Variants in UHRF1 observed in about 807,000 individuals in gnomAD.
UHRF1 encodes ubiquitin like with PHD and ring finger domains 1, also known as E3 ubiquitin-protein ligase UHRF1.
In UHRF1, 9 loss-of-function variants were observed where a neutral mutation model predicts 96.5. That is an observed-to-expected ratio of 0.09 (90% CI 0.06 to 0.16). The LOEUF is 0.16. Among genes scored for constraint, UHRF1 ranks in the 10% least tolerant of loss-of-function variants. The pLI, the probability that UHRF1 is intolerant of heterozygous loss-of-function variation, is 1.00. For missense variants in UHRF1, 626 were observed against 1,131.1 expected, an observed-to-expected ratio of 0.55 and a Z score of 6.40; for synonymous variants, 455 against 469.9, an observed-to-expected ratio of 0.97 and a Z score of 0.41.
chr19:4,916,305 CA>C (rs11409542), intron 2 of UHRF1, among the ~76,000 whole-genome samples: 1,548 of 124,508 alleles, frequency 0.012, 20 homozygotes, highest in African/African-American at 0.034. Flanking sequence ...GACTTTGTCT[CA>C]AAAAAAAAAA....
At chr19:4,917,274 A>G (rs1393880141) in intron 2 of UHRF1, among the ~76,000 whole-genome samples, 2 of 151,908 alleles carry the variant, frequency 1.3e-5, no homozygotes, top group Non-Finnish European at 2.9e-5. Flanking sequence ...TAAGTTTTCA[A>G]AAGGAATCAG....
intron 2 of UHRF1, among the ~76,000 whole-genome samples, chr19:4,926,548 C>T (rs376694392): frequency 2.0e-5 from 3 of 152,116 alleles, no homozygotes; most frequent in Non-Finnish European, 4.4e-5. Flanking sequence ...GCTGGTGGAT[C>T]GCTTGCTTGA....
In UHRF1 at chr19:4,918,287, T is replaced by C. The variant is rs545983644; in HGVS notation, c.153+7249T>C. ...GGTGCACACCACCACGTCCGGCTAATTTTTTTGTATTTTTAGTAGAGACGG... is the reference window on the plus strand; with the variant it reads ...GGTGCACACCACCACGTCCGGCTAACTTTTTTGTATTTTTAGTAGAGACGG... On this transcript the variant is annotated intron_variant, in intron 2 of 16. Transcript: ENST00000650932. Among the ~76,000 whole-genome samples, 11 of 151,720 alleles carry C rather than the reference T, an allele frequency of 7.3e-5. No individual in the cohort carries two copies. In the South Asian group the frequency reaches 2.3e-3, roughly 32 times the overall value.
intron 2 of UHRF1, among the ~76,000 whole-genome samples, chr19:4,914,017 G>A (rs2032393529): frequency 6.6e-6 from 1 of 151,984 alleles, no homozygotes; most frequent in South Asian, 2.1e-4. Flanking sequence ...GTTTCTCCAT[G>A]TTGGTCAGGC....
intron 2 of UHRF1, among the ~76,000 whole-genome samples, chr19:4,925,456 G>C (rs1807527977): frequency 6.6e-6 from 1 of 152,166 alleles, no homozygotes; most frequent in Admixed American, 6.6e-5. Context: ...CATCCACACT[G>C]TGGCCTGGGT....
chr19:4,935,732 G>A (rs902439743), intron 5 of UHRF1, among the ~76,000 whole-genome samples: 14 of 152,030 alleles, frequency 9.2e-5, no homozygotes, highest in Admixed American at 5.2e-4. Context: ...GTGACAGTCC[G>A]TCAGCTCTGC....
chr19:4,926,108 C>G (rs1175765916), intron 2 of UHRF1, among the ~76,000 whole-genome samples: 1 of 151,168 alleles, frequency 6.6e-6, no homozygotes, highest in Non-Finnish European at 1.5e-5. Context: ...GTTGGCCAGG[C>G]TGGTCTTGAA....
At chr19:4,937,424 T>G (rs2033250509) in intron 5 of UHRF1, among the ~76,000 whole-genome samples, 1 of 151,990 alleles carries the variant, frequency 6.6e-6, no homozygotes, top group South Asian at 2.1e-4. Flanking sequence ...TGCGGTGATG[T>G]GATCTTGGCT....
At chr19:4,909,424 A>T (rs1250041534), upstream of UHRF1, 8 of 651,376 alleles carry the variant, frequency 1.2e-5, no homozygotes, top group Non-Finnish European at 2.2e-5. Flanking sequence ...GCCAATCAGG[A>T]GGCAGGCGCC....
chr19:4,932,610 C>G, intron 4 of UHRF1, 131 bp from the exon 5 acceptor site: 2 of 931,116 alleles, frequency 2.1e-6, no homozygotes, highest in Non-Finnish European at 3.3e-6. Context: ...GTTCTCAACA[C>G]CAGCATATAA....
intron 5 of UHRF1, among the ~76,000 whole-genome samples, chr19:4,936,937 A>T (rs1296647991): frequency 6.6e-6 from 1 of 152,220 alleles, no homozygotes; most frequent in Non-Finnish European, 1.5e-5. Context: ...GATACAGTCA[A>T]AAGTGAGTTT....
rs1019783748 is a variant in UHRF1, at chr19:4,925,644, C to G, written c.154-3578C>G. ...TCAAGCAATTCTCCTGCCTCAGCCT[C>G]TGGAGTAGCTAGGATTACAGGCACC... On this transcript the variant is annotated intron_variant, in intron 2 of 16. Transcript: ENST00000650932. 5.3e-5 allele frequency among the ~76,000 whole-genome samples: 8 copies of G among 152,204 alleles called. 1 individual carries two copies. The highest frequency in any genetic ancestry group is 2.0e-4 in the Admixed American group (3 of 15,270).
upstream of UHRF1, among the ~76,000 whole-genome samples, chr19:4,908,596 G>A (rs539019252): frequency 9.8e-4 from 149 of 152,176 alleles, no homozygotes; most frequent in African/African-American, 3.3e-3. Context: ...TCTCATCTCC[G>A]ATTCCAGCTC....
rs747999530 is a variant in UHRF1 at position 4,950,950 on chromosome 19, C to T, written c.1772C>T (p.Thr591Met). Residue 591 changes from threonine (T) to methionine (M), a missense_variant, in exon 13 of 17, where the codon ACG (threonine) becomes ATG (methionine). Thr to Met is a moderately conservative substitution (Grantham distance 81, BLOSUM62 -1). This residue lies in a region of UHRF1 where 61 missense variants were observed against 199.2 expected (regional missense o/e 0.31). Coordinates refer to ENST00000650932, the MANE Select transcript of UHRF1 (RefSeq NM_001048201.3). ...GACGATGATGAGCCTGGCCCTTGGA[C>T]GAAGGAGGGGAAGGACCGGATCAAG... The part of the protein sequence containing the change: ...RRDDDEPGPW[T>M]KEGKDRIKKL... The T allele has an allele frequency of 1.2e-6, 2 of 1,612,298 alleles. No homozygotes were observed. Among genetic ancestry groups the T allele is most frequent in the East Asian group, 2.2e-5 (1 of 44,872 alleles).
upstream of UHRF1, chr19:4,909,400 C>A: frequency 1.5e-6 from 1 of 645,924 alleles, no homozygotes; most frequent in Non-Finnish European, 2.8e-6. Context: ...TTCTCGCTTC[C>A]CGCCACTGCG....
Position 4,941,875 on chromosome 19 carries a change from C to G in UHRF1, c.1017C>G (p.Ala339=). ...TCATGTGCGATGAGTGCGACATGGCCTTCCACATCTACTGCCTGGACCCGC... is the reference window on the plus strand; with the variant it reads ...TCATGTGCGATGAGTGCGACATGGCGTTCCACATCTACTGCCTGGACCCGC... ...KQLMCDECDM[A]FHIYCLDPPL... is the part of the protein sequence containing the mutation. Residue 339 remains alanine (A), a synonymous_variant, in exon 7 of 17, where the codon GCC becomes GCG. Transcript: ENST00000650932. 6.4e-7 allele frequency: 1 copy of G among 1,553,816 alleles called. No individual in the cohort carries two copies. The highest frequency in any genetic ancestry group is 8.7e-7 in the Non-Finnish European group (1 of 1,149,384).
At chr19:4,926,608 A>G (rs912116182) in intron 2 of UHRF1, among the ~76,000 whole-genome samples, 5 of 151,820 alleles carry the variant, frequency 3.3e-5, no homozygotes, top group African/African-American at 9.7e-5. Flanking sequence ...CCTCATCTCT[A>G]AAAAAAATTA....
intron 5 of UHRF1, among the ~76,000 whole-genome samples, chr19:4,940,359 A>ATTTTTTTTTTTTTT (rs543779456): frequency 4.5e-5 from 3 of 67,066 alleles, no homozygotes; most frequent in African/African-American, 5.6e-5. Context: ...TGCCTTTATG[A>ATTTTTTTTTTTTTT]TTTTTTTTTT....
At chr19:4,955,969 G>C (rs551331062) in intron 15 of UHRF1, among the ~76,000 whole-genome samples, 2 of 151,900 alleles carry the variant, frequency 1.3e-5, no homozygotes, top group Non-Finnish European at 2.9e-5. Flanking sequence ...TTTTGCTCTC[G>C]TTGCCCGGGC....
Sources: gnomAD v4.1 joint callset for allele counts (sites outside exome capture counted in the v4.1 genomes callset) on GRCh38, gnomAD v4.1.1 for gene constraint, gnomAD v4.1.1 regional missense constraint, MANE v1.5 for transcripts, NCBI Gene and HGNC (gene_info 2026-07-23, HGNC 2026-07-21) for gene names.